ZC3H12B: variants seen among roughly 807,000 people sequenced by gnomAD.
ZC3H12B encodes zinc finger CCCH-type containing 12B, also known as probable ribonuclease ZC3H12B.
In ZC3H12B, 7 loss-of-function variants were observed where a neutral mutation model predicts 43.9. The ratio of observed to expected loss-of-function variants is 0.16; its 90% confidence interval spans 0.09 to 0.30. The LOEUF (loss-of-function observed/expected upper bound fraction) is 0.30, where lower values mean the gene tolerates loss of function less well. Among genes scored for constraint, ZC3H12B ranks in the 10% least tolerant of loss-of-function variants. The probability of loss-of-function intolerance (pLI) is 1.00; values close to 1 mark genes in which losing one functional copy is unlikely to be tolerated. For synonymous variants in ZC3H12B, 222 were observed against 241.7 expected (o/e 0.92, Z 0.76); for missense variants, 475 against 670.2 (o/e 0.71, Z 3.22).
intron 3 of ZC3H12B, among the ~76,000 whole-genome samples, chrX:65,410,122 A>C (rs12010755): frequency 0.14 from 14,583 of 107,648 alleles, 2,628 homozygotes; most frequent in African/African-American, 0.47. Flanking sequence ...AAAAAAAAAA[A>C]AAAACAATGG....
the ZC3H12B span, among the ~76,000 whole-genome samples, chrX:65,067,557 G>A: frequency 2.7e-5 from 3 of 111,278 alleles, no homozygotes; most frequent in African/African-American, 9.8e-5. Context: ...TGGTCTCGCT[G>A]GGAGCTGCAG....
chrX:65,193,867 A>G, the ZC3H12B span, among the ~76,000 whole-genome samples: 1 of 111,548 alleles, frequency 9.0e-6, no homozygotes, highest in African/African-American at 3.3e-5. Flanking sequence ...ATTTATAAAG[A>G]AAAGAAGTTT....
At chrX:65,422,626 G>T (rs1334275667) in intron 3 of ZC3H12B, among the ~76,000 whole-genome samples, 1 of 110,585 alleles carries the variant, frequency 9.0e-6, no homozygotes, top group Non-Finnish European at 1.9e-5. Flanking sequence ...CATGTGGTTT[G>T]CTGCATCCAT....
chrX:65,315,825 G>A, the ZC3H12B span, among the ~76,000 whole-genome samples: 1 of 111,419 alleles, frequency 9.0e-6, no homozygotes, highest in Non-Finnish European at 1.9e-5. Context: ...GGTTGAAATG[G>A]CTGAAATGAC....
the ZC3H12B span, among the ~76,000 whole-genome samples, chrX:65,191,801 T>C: frequency 9.2e-6 from 1 of 108,608 alleles, no homozygotes; most frequent in Non-Finnish European, 1.9e-5. Context: ...TCTATTTCCT[T>C]CAGTTCTGCT....
At chrX:65,182,111 ATGAAGCTGGAAGTCAT>A in the ZC3H12B span, among the ~76,000 whole-genome samples, 1 of 111,485 alleles carries the variant, frequency 9.0e-6, no homozygotes, top group Non-Finnish European at 1.9e-5. Context: ...CTGGACATGG[ATGAAGCTGGAAGTCAT>A]TATTCTCAAC....
At chrX:65,315,193 C>T in the ZC3H12B span, among the ~76,000 whole-genome samples, 4 of 110,498 alleles carry the variant, frequency 3.6e-5, no homozygotes, top group Non-Finnish European at 7.6e-5. Context: ...ATGTGGTATA[C>T]AATAAACCCA....
At chrX:65,254,765 C>G in the ZC3H12B span, among the ~76,000 whole-genome samples, 5 of 111,225 alleles carry the variant, frequency 4.5e-5, no homozygotes, top group South Asian at 3.7e-4. Context: ...ATGAAGATCA[C>G]CAAGATTCTG....
chrX:65,450,326 T>TAC (rs1466443301), intron 3 of ZC3H12B, among the ~76,000 whole-genome samples: 2 of 85,561 alleles, frequency 2.3e-5, no homozygotes, highest in Admixed American at 1.5e-4. Context: ...TATATATATA[T>TAC]ACATATATAT....
chrX:65,316,109 C>G, the ZC3H12B span, among the ~76,000 whole-genome samples: 4 of 111,171 alleles, frequency 3.6e-5, no homozygotes, highest in African/African-American at 1.3e-4. Context: ...ACTACTCAGT[C>G]AGACAAAAAT....
chrX:65,072,578 T>C, the ZC3H12B span, among the ~76,000 whole-genome samples: 1 of 111,989 alleles, frequency 8.9e-6, no homozygotes, highest in Non-Finnish European at 1.9e-5. Flanking sequence ...TTTTATCCCA[T>C]TTGATGACCT....
At chrX:65,411,389 C>A (rs1268761234) in intron 3 of ZC3H12B, among the ~76,000 whole-genome samples, 2 of 111,443 alleles carry the variant, frequency 1.8e-5, no homozygotes, top group Non-Finnish European at 3.8e-5. Context: ...GGAAGGGTGA[C>A]CTTAGTCAAT....
the ZC3H12B span, among the ~76,000 whole-genome samples, chrX:65,161,505 A>G: frequency 3.6e-5 from 4 of 111,419 alleles, no homozygotes; most frequent in Admixed American, 3.8e-4. Context: ...TGATCCCTTT[A>G]CCATTATGTA....
the ZC3H12B span, among the ~76,000 whole-genome samples, chrX:65,153,546 T>G: frequency 1.3e-4 from 15 of 111,677 alleles, no homozygotes; most frequent in East Asian, 2.8e-4. Flanking sequence ...TCTCACACCA[T>G]TTAGAATGGC....
chrX:65,159,785 A>G, the ZC3H12B span, among the ~76,000 whole-genome samples: 1 of 111,806 alleles, frequency 8.9e-6, no homozygotes, highest in African/African-American at 3.2e-5. Context: ...CCTGGCCAGA[A>G]CTTCCAACAC....
the ZC3H12B span, among the ~76,000 whole-genome samples, chrX:65,235,563 C>T: frequency 9.0e-6 from 1 of 110,966 alleles, no homozygotes; most frequent in African/African-American, 3.3e-5. Context: ...GCCTGGCAGG[C>T]TGAGTTCAGC....
At chrX:65,266,405 G>A in the ZC3H12B span, among the ~76,000 whole-genome samples, 1 of 111,941 alleles carries the variant, frequency 8.9e-6, no homozygotes, top group East Asian at 2.8e-4. Context: ...AAACCTAGAA[G>A]GGGCTGACAT....
chrX:65,146,450 C>G, the ZC3H12B span, among the ~76,000 whole-genome samples: 1 of 111,794 alleles, frequency 8.9e-6, no homozygotes, highest in Non-Finnish European at 1.9e-5. Context: ...CTTCTGAATT[C>G]TTTTTCAAGT....
At chrX:65,089,541 G>T in the ZC3H12B span, among the ~76,000 whole-genome samples, 2 of 111,459 alleles carry the variant, frequency 1.8e-5, no homozygotes, top group East Asian at 5.6e-4. Context: ...CTACTGTAAG[G>T]TTTATAAAAC....
Sources: gnomAD v4.1 joint callset for allele counts (sites outside exome capture counted in the v4.1 genomes callset) on GRCh38, gnomAD v4.1.1 for gene constraint, MANE v1.5 for transcripts, NCBI Gene and HGNC (gene_info 2026-07-23, HGNC 2026-07-21) for gene names.